ASTN2: variants seen among roughly 807,000 people sequenced by gnomAD.
ASTN2 encodes astrotactin 2, also known as astrotactin-2.
In ASTN2, 54 loss-of-function variants were observed where a neutral mutation model predicts 139.8. The observed-to-expected ratio is 0.39, with a 90% CI of 0.31 to 0.48. ASTN2 has a LOEUF of 0.48. Among genes scored for constraint, ASTN2 ranks in the 20% least tolerant of loss-of-function variants. The probability of loss-of-function intolerance (pLI) is 0.95; values close to 1 mark genes in which losing one functional copy is unlikely to be tolerated. For missense variants in ASTN2, 1,565 were observed against 1,725.1 expected, an observed-to-expected ratio of 0.91 and a Z score of 1.64; for synonymous variants, 756 against 719.5, an observed-to-expected ratio of 1.05 and a Z score of -0.81.
intron 19 of ASTN2, among the ~76,000 whole-genome samples, chr9:116,510,486 C>T (rs1850326413): frequency 6.6e-6 from 1 of 152,068 alleles, no homozygotes; most frequent in Non-Finnish European, 1.5e-5. Flanking sequence ...GCAATGTGGG[C>T]TCTTTTTTGG....
chr9:116,901,130 G>T (rs1008617031), intron 10 of ASTN2, among the ~76,000 whole-genome samples: 3 of 151,976 alleles, frequency 2.0e-5, no homozygotes, highest in Non-Finnish European at 4.4e-5. Context: ...GCAAGTGTGT[G>T]AAAGCTGCAT....
At chr9:116,713,742 T>C (rs1376399546) in intron 16 of ASTN2, among the ~76,000 whole-genome samples, 3 of 152,194 alleles carry the variant, frequency 2.0e-5, no homozygotes, top group African/African-American at 7.2e-5. Flanking sequence ...TTGGGTTGTA[T>C]ATCTTACCCC....
chr9:116,708,567 G>A lies in ASTN2; in HGVS notation c.2806+17204C>T, dbSNP rs80146275. 3.5e-4 allele frequency among the ~76,000 whole-genome samples: 53 copies of A among 152,146 alleles called. No homozygotes were observed. The East Asian group carries it at 9.5e-3, about 27-fold the overall frequency. ...TACTGATCACATCATCCTCCAAGAA[G>A]GTTCATTTGGCACACTCACTGAGGA... is the stretch of plus-strand genomic sequence containing the variant. On this transcript the variant is annotated intron_variant, in intron 16 of 22. Coordinates refer to ENST00000313400, the MANE Select transcript of ASTN2 (RefSeq NM_001365068.1).
chr9:116,477,327 C>T (rs1053230803), intron 20 of ASTN2, among the ~76,000 whole-genome samples: 7 of 152,176 alleles, frequency 4.6e-5, no homozygotes, highest in African/African-American at 1.2e-4. Flanking sequence ...GAGGTCAGTA[C>T]GACCTGATGT....
intron 2 of ASTN2, among the ~76,000 whole-genome samples, chr9:117,245,212 T>C (rs1003569685): frequency 2.6e-5 from 4 of 152,182 alleles, no homozygotes; most frequent in African/African-American, 9.7e-5. Context: ...TGCATCCATT[T>C]CAATTAGATG....
intron 10 of ASTN2, among the ~76,000 whole-genome samples, chr9:116,871,752 A>G (rs1833172761): frequency 6.6e-6 from 1 of 152,158 alleles, no homozygotes; most frequent in Admixed American, 6.5e-5. Context: ...TTCAGTTACT[A>G]TGACTAATGC....
intron 1 of ASTN2, among the ~76,000 whole-genome samples, chr9:117,405,167 C>T (rs1281924972): frequency 4.6e-5 from 7 of 152,198 alleles, no homozygotes; most frequent in Non-Finnish European, 7.3e-5. Context: ...CCTGCAGCTT[C>T]TTGGTCATGA....
At chr9:116,748,069 A>G (rs1215750436) in intron 13 of ASTN2, among the ~76,000 whole-genome samples, 2 of 152,170 alleles carry the variant, frequency 1.3e-5, no homozygotes, top group African/African-American at 4.8e-5. Flanking sequence ...CCACTACTCA[A>G]GGAAGACAGT....
intron 10 of ASTN2, among the ~76,000 whole-genome samples, chr9:116,942,111 CA>C (rs72368706): frequency 0.25 from 36,912 of 145,086 alleles, 5,174 homozygotes; most frequent in African/African-American, 0.42. Context: ...CACACACACA[CA>C]CACCACACAC....
At chr9:116,917,341 C>G (rs751900967) in intron 10 of ASTN2, among the ~76,000 whole-genome samples, 1 of 151,956 alleles carries the variant, frequency 6.6e-6, no homozygotes, top group Non-Finnish European at 1.5e-5. Context: ...GCCCCACCCC[C>G]CAACTAGACC....
chr9:117,354,709 A>C (rs10983632), intron 1 of ASTN2, among the ~76,000 whole-genome samples: 33,276 of 151,914 alleles, frequency 0.22, 4,311 homozygotes, highest in East Asian at 0.39. Flanking sequence ...CCCTCCCTCC[A>C]GCAACACAGG....
intron 10 of ASTN2, among the ~76,000 whole-genome samples, chr9:116,867,873 TAAAGCAGACACTGGCGTTTTCTTAACTC>T (rs1564313674): frequency 2.0e-5 from 3 of 152,130 alleles, no homozygotes; most frequent in Non-Finnish European, 2.9e-5. Flanking sequence ...AAAAAAAGCT[TAAAGCAGACACTGGCGTTTTCTTAACTC>T]AAAGCAGACA....
At chr9:116,659,637 T>C (rs1222140012) in intron 16 of ASTN2, among the ~76,000 whole-genome samples, 1 of 152,136 alleles carries the variant, frequency 6.6e-6, no homozygotes, top group Non-Finnish European at 1.5e-5. Flanking sequence ...ATGAGTCATA[T>C]CCGTTCCAAA....
intron 5 of ASTN2, among the ~76,000 whole-genome samples, chr9:117,050,926 C>T (rs972801902): frequency 5.3e-5 from 8 of 152,162 alleles, no homozygotes; most frequent in Non-Finnish European, 1.2e-4. Flanking sequence ...CATTCCCCTC[C>T]CCCATATGTT....
At chr9:116,870,097 C>T (rs1833121646) in intron 10 of ASTN2, among the ~76,000 whole-genome samples, 1 of 151,810 alleles carries the variant, frequency 6.6e-6, no homozygotes, top group Non-Finnish European at 1.5e-5. Context: ...TACTGCACTC[C>T]AACCCATGTG....
intron 19 of ASTN2, among the ~76,000 whole-genome samples, chr9:116,536,517 C>T (rs975841565): frequency 1.7e-4 from 25 of 151,302 alleles, no homozygotes; most frequent in African/African-American, 5.7e-4. Flanking sequence ...ATGATGGTGA[C>T]GTACAGATGG....
intron 13 of ASTN2, among the ~76,000 whole-genome samples, chr9:116,803,258 C>G (rs1401969042): frequency 6.6e-6 from 1 of 150,766 alleles, no homozygotes; most frequent in African/African-American, 2.4e-5. Context: ...CAGCATTGAA[C>G]TGCAATTCAT....
chr9:116,538,635 G>T (rs1371138250), intron 19 of ASTN2, among the ~76,000 whole-genome samples: 1 of 152,098 alleles, frequency 6.6e-6, no homozygotes, highest in East Asian at 1.9e-4. Context: ...GTTGATCTAA[G>T]GAAAAGTACT....
At chr9:116,508,331 C>T (rs888261525) in intron 19 of ASTN2, among the ~76,000 whole-genome samples, 30 of 152,158 alleles carry the variant, frequency 2.0e-4, no homozygotes, top group African/African-American at 6.0e-4. Context: ...ATGGTAGTGG[C>T]GTCAAGGTCA....
Sources: allele counts gnomAD v4.1 joint callset (sites outside exome capture counted in the v4.1 genomes callset), GRCh38; gene constraint gnomAD v4.1.1; transcripts MANE v1.5; gene names NCBI Gene and HGNC (gene_info 2026-07-23, HGNC 2026-07-21).